The following FAM135B variants were observed in gnomAD, a reference collection of about 807,000 sequenced individuals.
FAM135B encodes family with sequence similarity 135 member B.
In FAM135B, 43 loss-of-function variants were observed where a neutral mutation model predicts 127.7. The ratio of observed to expected loss-of-function variants is 0.34; its 90% CI spans 0.26 to 0.43. The LOEUF is 0.43. Among genes scored for constraint, FAM135B ranks in the 20% least tolerant of loss-of-function variants. FAM135B has a pLI of 1.00. For synonymous variants in FAM135B, 670 were observed against 665.1 expected, an observed-to-expected ratio of 1.01 and a Z score of -0.11; for missense variants, 1,558 against 1,725.6, an observed-to-expected ratio of 0.90 and a Z score of 1.72.
chr8:138,308,955 T>C (rs754964280), intron 3 of FAM135B: 6 of 448,760 alleles, frequency 1.3e-5, no homozygotes, highest in South Asian at 7.9e-5. Context: ...AAACCCCTGA[T>C]GACATGACCA....
chr8:138,462,383 T>A (rs1837176284), intron 1 of FAM135B, among the ~76,000 whole-genome samples: 1 of 152,142 alleles, frequency 6.6e-6, no homozygotes. Flanking sequence ...CAAGGATTCA[T>A]GAGGGTGGGA....
intron 1 of FAM135B, chr8:138,438,794 G>C (rs1406457076): frequency 6.6e-6 from 1 of 152,130 alleles, no homozygotes; most frequent in Non-Finnish European, 1.5e-5. Context: ...CCAGATACTG[G>C]ACCAGCCATT....
chr8:138,354,370 A>G (rs1483892366), intron 2 of FAM135B, among the ~76,000 whole-genome samples: 1 of 152,106 alleles, frequency 6.6e-6, no homozygotes, highest in East Asian at 1.9e-4. Context: ...AGCACTACCC[A>G]GGAGATGACA....
chr8:138,436,279 G>C (rs1467494855), intron 1 of FAM135B, among the ~76,000 whole-genome samples: 1 of 152,096 alleles, frequency 6.6e-6, no homozygotes, highest in African/African-American at 2.4e-5. Flanking sequence ...GATATAAATT[G>C]CTGAAAAAAA....
chr8:138,281,476 A>C (rs202209381), intron 3 of FAM135B, among the ~76,000 whole-genome samples: 1 of 151,106 alleles, frequency 6.6e-6, no homozygotes, highest in African/African-American at 2.4e-5. Context: ...TAAAAAAAAA[A>C]AATCCTATTG....
chr8:138,258,576 A>G lies in FAM135B; in HGVS notation c.298-1817T>C, dbSNP rs188523858. ...GCACGCATATGCCTGGGTAATGAAA[A>G]TTCAAAGTAAACTCCAATTTTAAAC... On this transcript the variant is annotated intron_variant, in intron 4 of 19. Transcript: ENST00000395297. Among the ~76,000 whole-genome samples the G allele has an allele frequency of 1.2e-3, 185 of 152,266 alleles. 1 individual carries two copies. Among genetic ancestry groups the G allele is most frequent in the African/African-American group, 4.1e-3 (171 of 41,556 alleles).
At chr8:138,193,142 G>T (rs747939736) in intron 9 of FAM135B, among the ~76,000 whole-genome samples, 11 of 152,220 alleles carry the variant, frequency 7.2e-5, no homozygotes, top group Non-Finnish European at 1.6e-4. Flanking sequence ...CGACCGCACA[G>T]CTGGGGCTCT....
At chr8:138,485,030 C>A (rs1329597763) in intron 1 of FAM135B, among the ~76,000 whole-genome samples, 2 of 152,202 alleles carry the variant, frequency 1.3e-5, no homozygotes, top group Non-Finnish European at 2.9e-5. Flanking sequence ...CTTGCAACAA[C>A]ACCTCAGCTA....
chr8:138,425,776 T>C (rs1365384348), intron 1 of FAM135B, among the ~76,000 whole-genome samples: 1 of 151,826 alleles, frequency 6.6e-6, no homozygotes, highest in East Asian at 2.0e-4. Context: ...GGTCAGGTAC[T>C]GTCCTAGGTG....
At chr8:138,308,909 C>T (rs548490623) in intron 3 of FAM135B, 52 of 390,464 alleles carry the variant, frequency 1.3e-4, no homozygotes, top group East Asian at 3.0e-4. Flanking sequence ...GTCTCCTCTC[C>T]GAGGCTTTTA....
chr8:138,359,238 G>C (rs115045112), intron 2 of FAM135B, among the ~76,000 whole-genome samples: 2,144 of 152,252 alleles, frequency 0.014, 52 homozygotes, highest in African/African-American at 0.049. Context: ...AAAAGACTCA[G>C]AGATGAACAA....
intron 1 of FAM135B, among the ~76,000 whole-genome samples, chr8:138,445,645 G>C (rs1282239709): frequency 6.6e-6 from 1 of 152,038 alleles, no homozygotes; most frequent in Admixed American, 6.6e-5. Flanking sequence ...GTATTGATGG[G>C]ACGTATCTCA....
chr8:138,141,762 T>G lies in FAM135B; in HGVS notation c.3639-413A>C. 6.6e-6 allele frequency among the ~76,000 whole-genome samples: 1 copy of G among 152,166 alleles called. No individual in the cohort carries two copies. Among genetic ancestry groups the G allele is most frequent in the East Asian group, 1.9e-4 (1 of 5,186 alleles). On this transcript the variant is annotated intron_variant, in intron 16 of 19. Coordinates refer to ENST00000395297, the MANE Select transcript of FAM135B (RefSeq NM_015912.4). The surrounding 1 kb of genome is among the most constrained non-coding windows in gnomAD (Gnocchi z 4.7). ...CATTCATATACGGATGGCCTCACAA[T>G]GCCATTCATCCTCTCCTTCACCCGC...
chr8:138,387,589 T>C (rs1163092376), intron 1 of FAM135B, among the ~76,000 whole-genome samples: 6 of 152,086 alleles, frequency 3.9e-5, no homozygotes, highest in Non-Finnish European at 5.9e-5. Context: ...GTGCTGAGGG[T>C]TGGGACTCCT....
At chr8:138,255,616 G>A (rs1447950025) in intron 5 of FAM135B, among the ~76,000 whole-genome samples, 1 of 152,106 alleles carries the variant, frequency 6.6e-6, no homozygotes, top group Non-Finnish European at 1.5e-5. Flanking sequence ...TTTTCCCATG[G>A]GCCAGATGTG....
intron 7 of FAM135B, among the ~76,000 whole-genome samples, chr8:138,206,446 C>T (rs112516300): frequency 2.0e-5 from 3 of 150,712 alleles, no homozygotes; most frequent in Admixed American, 6.6e-5. Context: ...TCATCCCCTC[C>T]ATCTACACAC....
chr8:138,251,539 G>C (rs1821695161), intron 5 of FAM135B, among the ~76,000 whole-genome samples: 1 of 152,116 alleles, frequency 6.6e-6, no homozygotes, highest in African/African-American at 2.4e-5. Context: ...GAATTAAAAT[G>C]AACAACTGAC....
chr8:138,243,382 G>A lies in FAM135B; in HGVS notation c.543-314C>T, dbSNP rs1821009613. Among the ~76,000 whole-genome samples, 1 of 152,176 alleles carries A rather than the reference G, an allele frequency of 6.6e-6. No individual in the cohort carries two copies. Among genetic ancestry groups the A allele is most frequent in the African/African-American group, 2.4e-5 (1 of 41,438 alleles). On this transcript the variant is annotated intron_variant, in intron 6 of 19. Coordinates refer to ENST00000395297, the MANE Select transcript of FAM135B (RefSeq NM_015912.4). This position sits in a 1 kb window ranked among gnomAD's most constrained non-coding sequence, Gnocchi z 7.5. ...AGCTCCAAGCTTATATCACTAGAGGGGAAGGTGGCATGGGCTCCGAAAATT... is the reference window on the plus strand; with the variant it reads ...AGCTCCAAGCTTATATCACTAGAGGAGAAGGTGGCATGGGCTCCGAAAATT...
At chr8:138,354,790 G>A (rs980400025) in intron 2 of FAM135B, among the ~76,000 whole-genome samples, 2 of 152,130 alleles carry the variant, frequency 1.3e-5, no homozygotes, top group Non-Finnish European at 2.9e-5. Context: ...GTATGAAAAT[G>A]CCATGGGAGA....
Sources: gnomAD v4.1 joint callset for allele counts (sites outside exome capture counted in the v4.1 genomes callset) on GRCh38, gnomAD v4.1.1 for gene constraint, Gnocchi (gnomAD v3.1) non-coding constraint, MANE v1.5 for transcripts, NCBI Gene and HGNC (gene_info 2026-07-23, HGNC 2026-07-21) for gene names.